ADA: variants seen among roughly 807,000 people sequenced by gnomAD.
The protein encoded by ADA is adenosine deaminase.
A neutral mutation model predicts 49.0 loss-of-function variants in ADA; 45 were observed. That is an observed-to-expected ratio of 0.92 (90% CI 0.72 to 1.18). ADA has a LOEUF of 1.18. Among genes scored for constraint, ADA ranks in the 50% most tolerant of loss-of-function variants. The pLI, the probability that ADA is intolerant of heterozygous loss-of-function variation, is 0.00. For missense variants in ADA, 445 were observed against 472.5 expected, an observed-to-expected ratio of 0.94 and a Z score of 0.54; for synonymous variants, 173 against 184.2, an observed-to-expected ratio of 0.94 and a Z score of 0.49.
In ADA at chr20:44,619,802, C is replaced by T. The variant is rs115401952; in HGVS notation, c.*32G>A. On this transcript the variant is annotated 3_prime_UTR_variant, in exon 12 of 12. Transcript: ENST00000372874. ...TCAGCCCCACAGAGTTGGGGTGACT[C>T]CACAGGGTGAAGGCTTGGAGGAGTG... 1.9e-6 allele frequency: 3 copies of T among 1,614,146 alleles called. No homozygotes were observed. The highest frequency in any genetic ancestry group is 1.3e-5 in the African/African-American group (1 of 75,050).
intron 1 of ADA, among the ~76,000 whole-genome samples, chr20:44,639,326 A>C (rs1472224890): frequency 1.3e-5 from 2 of 152,070 alleles, no homozygotes; most frequent in East Asian, 2.0e-4. Flanking sequence ...AGAGAAGACC[A>C]AGTCCTGGAG....
intron 2 of ADA, among the ~76,000 whole-genome samples, chr20:44,635,264 G>A (rs926498406): frequency 6.6e-6 from 1 of 152,138 alleles, no homozygotes. Flanking sequence ...GGCAGGAAGT[G>A]TGTTCTCACT....
chr20:44,629,582 T>A (rs1290637447), intron 2 of ADA, among the ~76,000 whole-genome samples: 3 of 152,020 alleles, frequency 2.0e-5, no homozygotes, highest in African/African-American at 7.2e-5. Flanking sequence ...CAGTCAGGGG[T>A]TATCAGGGGC....
intron 1 of ADA, among the ~76,000 whole-genome samples, chr20:44,648,332 C>T (rs753192488): frequency 2.6e-5 from 4 of 152,064 alleles, no homozygotes; most frequent in Non-Finnish European, 5.9e-5. Flanking sequence ...CCCTGCATGG[C>T]AGGCACACTT....
rs1053998056 is a variant in ADA at position 44,619,707 on chromosome 20, G to A, written c.*127C>T. The A allele has an allele frequency of 7.8e-6, 10 of 1,276,262 alleles. 1 individual carries two copies. The highest frequency in any genetic ancestry group is 4.8e-5 in the South Asian group (4 of 82,746). The allele number at this position is 1,276,262 out of a possible 1,614,324, so 79.1% of individuals were successfully genotyped here. On this transcript the variant is annotated 3_prime_UTR_variant, in exon 12 of 12. Transcript: ENST00000372874. ...GTGTGTGCAGAAATGGACACATAGG[G>A]TTCAGGAGCATCAGTAACTGACTAT... is the stretch of plus-strand genomic sequence containing the variant.
intron 2 of ADA, 72 bp from the exon 3 acceptor site, chr20:44,629,241 G>A: frequency 2.4e-5 from 39 of 1,605,074 alleles, no homozygotes; most frequent in Middle Eastern, 1.7e-4. Context: ...CCAGGATGGA[G>A]CAGACTCAGG....
intron 1 of ADA, among the ~76,000 whole-genome samples, chr20:44,638,741 G>A (rs184367247): frequency 6.6e-6 from 1 of 152,312 alleles, no homozygotes; most frequent in Admixed American, 6.5e-5. Flanking sequence ...AAAATGTACA[G>A]TCACAAACCA....
intron 9 of ADA, among the ~76,000 whole-genome samples, chr20:44,621,497 A>AG (rs1390237372): frequency 5.3e-5 from 8 of 151,826 alleles, no homozygotes; most frequent in African/African-American, 1.9e-4. Context: ...TCCCCTCTGC[A>AG]CCCTACCCTG....
chr20:44,620,996 A>G (rs375384285), intron 10 of ADA, 22 bp downstream of exon 10: 60 of 1,613,612 alleles, frequency 3.7e-5, no homozygotes, highest in Non-Finnish European at 1.9e-5. Context: ...AGTCAAGGCC[A>G]GTATGGCTCA....
At chr20:44,642,806 C>T (rs1359589377) in intron 1 of ADA, among the ~76,000 whole-genome samples, 3 of 152,224 alleles carry the variant, frequency 2.0e-5, no homozygotes, top group Non-Finnish European at 4.4e-5. Flanking sequence ...CTCAAGGCAG[C>T]GTCAGAGACA....
rs2065412293 is a variant in ADA at position 44,629,370 on chromosome 20, C to T, written c.96-201G>A. 4.6e-5 allele frequency among the ~76,000 whole-genome samples: 7 copies of T among 152,310 alleles called. No homozygotes were observed. In the South Asian group the frequency reaches 1.4e-3, roughly 32 times the overall value. On this transcript the variant is annotated intron_variant, in intron 2 of 11. Transcript: ENST00000372874. ...ACCGGAATTTTTCCAGCACCTTCTACCCCCAATGCACAAGTCAGCAAATCT... is the reference window on the plus strand; with the variant it reads ...ACCGGAATTTTTCCAGCACCTTCTATCCCCAATGCACAAGTCAGCAAATCT...
At position 44,624,272 on chromosome 20, in the gene ADA, G is replaced by T. The variant is rs121908727; in HGVS notation, c.536C>A (p.Ala179Asp). The change falls in exon 6 of 12, where the codon GCC (alanine) becomes GAC (aspartate). Residue 179 changes from alanine (A) to aspartate (D), a missense_variant. Coordinates refer to ENST00000372874, the MANE Select transcript of ADA (RefSeq NM_000022.4). The stretch of plus-strand genomic sequence containing the variant: ...GGTCTCATCTCCAGCCAGGTCAATG[G>T]CTACCACGGTCTGCTGCTGGTACTT... The part of the protein sequence containing the change: ...CKKYQQQTVV[A>D]IDLAGDETIP... 9.3e-6 allele frequency: 15 copies of T among 1,613,938 alleles called. No individual in the cohort carries two copies. Among genetic ancestry groups the T allele is most frequent in the Non-Finnish European group, 1.2e-5 (14 of 1,179,994 alleles).
At chr20:44,635,112 T>G (rs920438666) in intron 2 of ADA, among the ~76,000 whole-genome samples, 2 of 152,222 alleles carry the variant, frequency 1.3e-5, no homozygotes, top group African/African-American at 4.8e-5. Flanking sequence ...CCAGATCCAC[T>G]GGCCTTTAAA....
At position 44,644,235 on chromosome 20, in the gene ADA, CT is replaced by C. The variant is rs990021127; in HGVS notation, c.33+7339del. 2.2e-4 allele frequency among the ~76,000 whole-genome samples: 34 copies of C among 152,068 alleles called. No individual in the cohort carries two copies. The Middle Eastern group carries it at 0.01, about 46-fold the overall frequency. On this transcript the variant is annotated intron_variant, in intron 1 of 11. Coordinates refer to ENST00000372874, the MANE Select transcript of ADA (RefSeq NM_000022.4). ...ATCGCTCTGTTTTGTTTTCGTCTGA[CT>C]TTTTGGGTTCATGTATGTAACATGT...
At chr20:44,634,902 T>C (rs965554462) in intron 2 of ADA, among the ~76,000 whole-genome samples, 1 of 152,198 alleles carries the variant, frequency 6.6e-6, no homozygotes, top group South Asian at 2.1e-4. Context: ...TTCAAGACTG[T>C]GACAGAGAGG....
intron 6 of ADA, among the ~76,000 whole-genome samples, chr20:44,623,721 TTCTC>T (rs1209205200): frequency 1.4e-5 from 2 of 148,118 alleles, no homozygotes; most frequent in African/African-American, 5.3e-5. Flanking sequence ...CTCTCTTTCT[TTCTC>T]TTTCTTTTCT....
rs769218320 is a variant in ADA at position 44,629,049 on chromosome 20, G to A, written c.216C>T (p.Ile72=). 5.0e-6 allele frequency: 8 copies of A among 1,614,064 alleles called. No homozygotes were observed. The African/African-American group carries it at 5.3e-5, about 11-fold the overall frequency. Residue 72 remains isoleucine, a splice_region_variant and synonymous_variant, in exon 3 of 12, where the codon ATC becomes ATT. Transcript: ENST00000372874. ...CCTGTGGGTTGGGGGCAACTCACGC[G>A]ATAGCAGGCATGTAGTAGTCAAACT... The part of the protein sequence containing the change: ...LAKFDYYMPA[I]AGCREAIKRI...
intron 4 of ADA, chr20:44,626,238 C>T: frequency 1.5e-6 from 1 of 673,066 alleles, no homozygotes; most frequent in Non-Finnish European, 2.6e-6. Flanking sequence ...CACAGCCAAA[C>T]ACTTGTGCCC....
At chr20:44,624,672 G>T (rs2065365619) in intron 5 of ADA, among the ~76,000 whole-genome samples, 1 of 152,246 alleles carries the variant, frequency 6.6e-6, no homozygotes, top group African/African-American at 2.4e-5. Flanking sequence ...AACACTCATG[G>T]TAGGCTTATT....
Sources: gnomAD v4.1 joint callset for allele counts (sites outside exome capture counted in the v4.1 genomes callset) on GRCh38, gnomAD v4.1.1 for gene constraint, MANE v1.5 for transcripts, NCBI Gene and HGNC (gene_info 2026-07-23, HGNC 2026-07-21) for gene names.